TPTE: variants seen among roughly 807,000 people sequenced by gnomAD.
TPTE encodes putative tyrosine-protein phosphatase TPTE.
A neutral mutation model predicts 84.1 loss-of-function variants in TPTE; 59 were observed. The ratio of observed to expected loss-of-function variants is 0.70; its 90% CI spans 0.57 to 0.87. The LOEUF is 0.87. Ranked by LOEUF, TPTE falls within the 40% of genes least tolerant of loss-of-function variation. The pLI is 0.00. For synonymous variants in TPTE, 130 were observed against 223.5 expected, an observed-to-expected ratio of 0.58 and a Z score of 3.73; for missense variants, 382 against 659.6, an observed-to-expected ratio of 0.58 and a Z score of 4.61.
intron 8 of TPTE, among the ~76,000 whole-genome samples, chr21:10,558,605 A>C (rs1299276136): frequency 6.6e-6 from 1 of 152,310 alleles, no homozygotes; most frequent in Non-Finnish European, 1.5e-5. Context: ...AGTTCTGCTC[A>C]GTATCTGCCC....
chr21:10,526,284 C>T (rs1291220821), intron 2 of TPTE, among the ~76,000 whole-genome samples: 1 of 152,310 alleles, frequency 6.6e-6, no homozygotes, highest in East Asian at 1.9e-4. Context: ...ATAATTTGAA[C>T]TCTGGCACTC....
chr21:10,601,227 G>C (rs1978460189), intron 21 of TPTE, among the ~76,000 whole-genome samples: 1 of 152,300 alleles, frequency 6.6e-6, no homozygotes, highest in African/African-American at 2.4e-5. Context: ...CCTCATAGCT[G>C]GGCACGGTGG....
intron 11 of TPTE, among the ~76,000 whole-genome samples, chr21:10,568,382 C>A (rs1271693056): frequency 1.3e-5 from 2 of 152,310 alleles, no homozygotes; most frequent in Non-Finnish European, 2.9e-5. Context: ...TAGAGTTTTG[C>A]AGTATAGTTG....
intron 5 of TPTE, among the ~76,000 whole-genome samples, chr21:10,542,143 T>C (rs1247335077): frequency 1.3e-5 from 2 of 152,312 alleles, no homozygotes; most frequent in African/African-American, 2.4e-5. Flanking sequence ...ACATTGGGAC[T>C]GAGGTCATAA....
At chr21:10,538,029 A>G (rs1242592042) in intron 3 of TPTE, among the ~76,000 whole-genome samples, 4 of 152,298 alleles carry the variant, frequency 2.6e-5, no homozygotes, top group Non-Finnish European at 4.4e-5. Context: ...GTAAAAATAA[A>G]AACTAATTTT....
At chr21:10,556,266 C>T (rs2074681578) in intron 8 of TPTE, among the ~76,000 whole-genome samples, 1 of 152,296 alleles carries the variant, frequency 6.6e-6, no homozygotes, top group Admixed American at 6.5e-5. Context: ...TTGTTCAATT[C>T]CCACCTATGA....
chr21:10,578,138 G>C (rs551686974), intron 15 of TPTE, among the ~76,000 whole-genome samples, 199 bp from the exon 16 acceptor site: 14 of 152,236 alleles, frequency 9.2e-5, no homozygotes, highest in African/African-American at 3.4e-4. Context: ...TTGAGTTTAG[G>C]TTATATGAGA....
chr21:10,550,378 G>A (rs2074550297), intron 7 of TPTE, among the ~76,000 whole-genome samples: 1 of 152,304 alleles, frequency 6.6e-6, no homozygotes, highest in Non-Finnish European at 1.5e-5. Context: ...TGATAATAAA[G>A]GGATGGAAAA....
chr21:10,585,762 A>G (rs1344482045), intron 17 of TPTE, among the ~76,000 whole-genome samples: 12 of 150,502 alleles, frequency 8.0e-5, no homozygotes, highest in Non-Finnish European at 1.5e-4. Flanking sequence ...TTATGGCTCA[A>G]TTCCCTATAT....
chr21:10,565,375 G>C (rs1370235075), intron 10 of TPTE, among the ~76,000 whole-genome samples: 1 of 152,302 alleles, frequency 6.6e-6, no homozygotes, highest in African/African-American at 2.4e-5. Context: ...AAAAATGGAA[G>C]GAGATTCCAT....
chr21:10,570,237 T>C (rs1232374037), intron 13 of TPTE, among the ~76,000 whole-genome samples: 1 of 152,310 alleles, frequency 6.6e-6, no homozygotes, highest in Non-Finnish European at 1.5e-5. Flanking sequence ...ACTGAGGCCA[T>C]CATAAATACA....
intron 1 of TPTE, among the ~76,000 whole-genome samples, chr21:10,522,120 G>A (rs2073990215): frequency 1.3e-5 from 2 of 152,156 alleles, no homozygotes; most frequent in African/African-American, 2.4e-5. Context: ...CGCCGCCCCC[G>A]AGGCGCCCGG....
intron 8 of TPTE, among the ~76,000 whole-genome samples, chr21:10,555,981 C>T (rs1373141813): frequency 2.0e-5 from 3 of 152,302 alleles, no homozygotes. Flanking sequence ...TACTATTATT[C>T]ATGATTTTAT....
chr21:10,552,588 A>G, intron 7 of TPTE, 69 bp from the exon 8 acceptor site: 1 of 1,608,032 alleles, frequency 6.2e-7, no homozygotes, highest in Non-Finnish European at 8.5e-7. Context: ...ATTCAAATAT[A>G]TTTTTCATCA....
rs1418339860 is a variant in TPTE at position 10,543,320 on chromosome 21, A to G, written c.120-9A>G. The G allele has an allele frequency of 1.2e-6, 2 of 1,613,698 alleles. No individual in the cohort carries two copies. Among genetic ancestry groups the G allele is most frequent in the East Asian group, 2.2e-5 (1 of 44,864 alleles). ...GTGCTGCTGACTGTATTCTTTTATCATCCTCTAGCCCACACACAAGTGAAT... is the reference window on the plus strand; with the variant it reads ...GTGCTGCTGACTGTATTCTTTTATCGTCCTCTAGCCCACACACAAGTGAAT... On this transcript the variant is annotated splice_polypyrimidine_tract_variant and intron_variant, in intron 6 of 23. Transcript: ENST00000618007.
intron 3 of TPTE, among the ~76,000 whole-genome samples, chr21:10,535,793 G>A (rs2074256249): frequency 6.6e-6 from 1 of 152,312 alleles, no homozygotes. Flanking sequence ...TGAGGCTGGT[G>A]CCCCAAACCC....
intron 7 of TPTE, among the ~76,000 whole-genome samples, chr21:10,549,091 T>A (rs1385630113): frequency 6.6e-6 from 1 of 152,312 alleles, no homozygotes; most frequent in East Asian, 1.9e-4. Flanking sequence ...CCTAGGCCAC[T>A]GAGTAACTTG....
chr21:10,527,133 C>CCTCTCTCTCT (rs59412977), intron 2 of TPTE, among the ~76,000 whole-genome samples: 33 of 148,602 alleles, frequency 2.2e-4, no homozygotes, highest in Middle Eastern at 3.6e-3. Flanking sequence ...TTCTGTGTCC[C>CCTCTCTCTCT]CTCTCTCTCT....
chr21:10,599,305 G>T (rs1401535204), intron 21 of TPTE, among the ~76,000 whole-genome samples: 1 of 152,312 alleles, frequency 6.6e-6, no homozygotes, highest in African/African-American at 2.4e-5. Flanking sequence ...AATCTCCTTT[G>T]CTCATGCCTA....
Sources: allele counts gnomAD v4.1 joint callset (sites outside exome capture counted in the v4.1 genomes callset), GRCh38; gene constraint gnomAD v4.1.1; transcripts MANE v1.5; gene names NCBI Gene and HGNC (gene_info 2026-07-23, HGNC 2026-07-21).